The following NEMP2 variants were observed in gnomAD, a reference collection of about 807,000 sequenced individuals.
NEMP2 encodes UPF0571 transmembrane protein.
In NEMP2, 53 loss-of-function variants were observed where a neutral mutation model predicts 54.2. The observed-to-expected ratio is 0.98, with a 90% confidence interval of 0.78 to 1.23. The LOEUF (loss-of-function observed/expected upper bound fraction) is 1.23. Ranked by LOEUF, NEMP2 falls within the 50% of genes most tolerant of loss-of-function variation. The pLI is 0.00. For synonymous variants in NEMP2, 197 were observed against 190.3 expected (o/e 1.04, Z -0.29); for missense variants, 455 against 511.3 (o/e 0.89, Z 1.06).
At chr2:190,541,556 G>A in the NEMP2 span, among the ~76,000 whole-genome samples, 1 of 152,110 alleles carries the variant, frequency 6.6e-6, no homozygotes, top group Admixed American at 6.5e-5. The surrounding 1 kb of genome is among the most constrained non-coding windows in gnomAD (Gnocchi z 5.2). Context: ...ACAGGTTGAT[G>A]TAACTATTAT....
chr2:190,460,570 G>A, the NEMP2 span, among the ~76,000 whole-genome samples: 1 of 152,346 alleles, frequency 6.6e-6, no homozygotes, highest in East Asian at 1.9e-4. Flanking sequence ...AAGCATTGGG[G>A]ATAAAAATGA....
At chr2:190,613,860 G>A in the NEMP2 span, among the ~76,000 whole-genome samples, 3 of 151,970 alleles carry the variant, frequency 2.0e-5, no homozygotes, top group African/African-American at 4.8e-5. Context: ...AAAGTGCTGG[G>A]ATTACAGACG....
the NEMP2 span, among the ~76,000 whole-genome samples, chr2:190,457,094 A>G: frequency 2.0e-5 from 3 of 152,178 alleles, no homozygotes; most frequent in Non-Finnish European, 2.9e-5. This position sits in a 1 kb window ranked among gnomAD's most constrained non-coding sequence, Gnocchi z 5.1. Context: ...TTATGGTCCA[A>G]TCCAGAGGTA....
At chr2:190,591,646 T>C in the NEMP2 span, among the ~76,000 whole-genome samples, 20 of 152,326 alleles carry the variant, frequency 1.3e-4, no homozygotes, top group East Asian at 2.7e-3. The surrounding 1 kb of genome is among the most constrained non-coding windows in gnomAD (Gnocchi z 5.4). Flanking sequence ...AGTTCTGATA[T>C]ACAGTTTTTC....
At chr2:190,599,016 CA>C in the NEMP2 span, among the ~76,000 whole-genome samples, 1 of 152,138 alleles carries the variant, frequency 6.6e-6, no homozygotes. Context: ...TTTCAACCAA[CA>C]TTTATCAAAC....
At chr2:190,602,419 T>C in the NEMP2 span, among the ~76,000 whole-genome samples, 1 of 152,246 alleles carries the variant, frequency 6.6e-6, no homozygotes, top group Non-Finnish European at 1.5e-5. Context: ...GATTGGATGA[T>C]GCCCACACAC....
chr2:190,542,335 C>T, the NEMP2 span, among the ~76,000 whole-genome samples: 2 of 152,144 alleles, frequency 1.3e-5, no homozygotes, highest in African/African-American at 4.8e-5. This position sits in a 1 kb window ranked among gnomAD's most constrained non-coding sequence, Gnocchi z 4.6. Context: ...CCTCAGCCTC[C>T]CTAGTAGCTG....
the NEMP2 span, chr2:190,436,630 C>T: frequency 2.5e-6 from 4 of 1,614,162 alleles, no homozygotes; most frequent in Non-Finnish European, 3.4e-6. The surrounding 1 kb of genome is among the most constrained non-coding windows in gnomAD (Gnocchi z 5.3). Context: ...GAAAAGAAAC[C>T]TTTTGGAAAC....
chr2:190,461,384 A>G, the NEMP2 span, among the ~76,000 whole-genome samples: 1 of 152,220 alleles, frequency 6.6e-6, no homozygotes, highest in Non-Finnish European at 1.5e-5. This position sits in a 1 kb window ranked among gnomAD's most constrained non-coding sequence, Gnocchi z 5.5. Flanking sequence ...GAGACTATCC[A>G]TTATATGAGG....
chr2:190,440,788 C>T, the NEMP2 span, among the ~76,000 whole-genome samples: 1 of 152,130 alleles, frequency 6.6e-6, no homozygotes, highest in Non-Finnish European at 1.5e-5. Context: ...TATTATTAGC[C>T]ATCAATTACT....
chr2:190,523,469 T>A lies in NEMP2; in HGVS notation c.213+1794A>T, dbSNP rs1338858813. ...AACTGGAAAACTAGCATGAACCCTG[T>A]GGTATTGGAGATCTCAGAACTCACG... is the stretch of plus-strand genomic sequence containing the variant. On this transcript the variant is annotated intron_variant, in intron 2 of 8. Transcript: ENST00000409150. This position sits in a 1 kb window ranked among gnomAD's most constrained non-coding sequence, Gnocchi z 5.3. Among the ~76,000 whole-genome samples, 1 of 152,140 alleles carries A rather than the reference T, an allele frequency of 6.6e-6. No individual in the cohort carries two copies. Among genetic ancestry groups the A allele is most frequent in the Non-Finnish European group, 1.5e-5 (1 of 68,024 alleles).
the NEMP2 span, among the ~76,000 whole-genome samples, chr2:190,498,316 A>G: frequency 8.5e-5 from 13 of 152,356 alleles, 2 homozygotes; most frequent in African/African-American, 2.9e-4. This position sits in a 1 kb window ranked among gnomAD's most constrained non-coding sequence, Gnocchi z 5.9. Context: ...TGTAACTTCT[A>G]TAAACAATTT....
rs986902923 is a variant in NEMP2, at chr2:190,508,234, G to A, written c.*955C>T. ...TTACGTATGTATATAAAAATCTTAC[G>A]TATGTATAAAAAACTTTAAAATGTC... On this transcript the variant is annotated 3_prime_UTR_variant, in exon 9 of 9. Coordinates refer to ENST00000409150, the MANE Select transcript of NEMP2 (RefSeq NM_001142645.2). This position sits in a 1 kb window ranked among gnomAD's most constrained non-coding sequence, Gnocchi z 4.3. The A allele has an allele frequency of 1.2e-4, 18 of 152,190 alleles. No individual in the cohort carries two copies. The South Asian group carries it at 2.3e-3, about 19-fold the overall frequency. 9.4% of individuals were successfully genotyped at this position (152,190 alleles called of 1,614,324 possible).
the NEMP2 span, among the ~76,000 whole-genome samples, chr2:190,457,939 G>A: frequency 2.0e-5 from 3 of 152,180 alleles, no homozygotes; most frequent in African/African-American, 7.2e-5. The surrounding 1 kb of genome is among the most constrained non-coding windows in gnomAD (Gnocchi z 5.1). Context: ...AAAGCAAATA[G>A]CAATTCATGA....
chr2:190,592,278 A>C, the NEMP2 span, among the ~76,000 whole-genome samples: 1 of 152,174 alleles, frequency 6.6e-6, no homozygotes, highest in Admixed American at 6.5e-5. This position sits in a 1 kb window ranked among gnomAD's most constrained non-coding sequence, Gnocchi z 4.4. Flanking sequence ...TGAGTTATGG[A>C]AATCAAAGGA....
the NEMP2 span, among the ~76,000 whole-genome samples, chr2:190,572,865 A>ATATATG: frequency 7.8e-6 from 1 of 127,844 alleles, no homozygotes; most frequent in African/African-American, 2.8e-5. Context: ...ATATATATAT[A>ATATATG]TATATATATA....
the NEMP2 span, among the ~76,000 whole-genome samples, chr2:190,647,662 C>T: frequency 6.6e-6 from 1 of 150,852 alleles, no homozygotes. Flanking sequence ...AAAAAACAGA[C>T]TTCCAAAATT....
chr2:190,481,381 G>A, the NEMP2 span, among the ~76,000 whole-genome samples: 1 of 152,080 alleles, frequency 6.6e-6, no homozygotes, highest in Non-Finnish European at 1.5e-5. Flanking sequence ...CTTATATATG[G>A]GATTTGGAAG....
chr2:190,539,789 A>G, the NEMP2 span, among the ~76,000 whole-genome samples: 1 of 152,214 alleles, frequency 6.6e-6, no homozygotes, highest in Non-Finnish European at 1.5e-5. This position sits in a 1 kb window ranked among gnomAD's most constrained non-coding sequence, Gnocchi z 4.1. Flanking sequence ...ACTTTACTGA[A>G]TTCATTTACT....
Sources: gnomAD v4.1 joint callset for allele counts (sites outside exome capture counted in the v4.1 genomes callset) on GRCh38, gnomAD v4.1.1 for gene constraint, Gnocchi (gnomAD v3.1) non-coding constraint, MANE v1.5 for transcripts, NCBI Gene and HGNC (gene_info 2026-07-23, HGNC 2026-07-21) for gene names.